APOL3: variants seen among roughly 807,000 people sequenced by gnomAD.
APOL3 encodes TNF-inducible protein CG12-1.
APOL3 carries 14 observed loss-of-function variants against 11.6 expected under a neutral mutation model. The ratio of observed to expected loss-of-function variants is 1.21; its 90% confidence interval spans 0.80 to 1.89. APOL3 has a LOEUF of 1.89. APOL3 is among the 40% of genes most tolerant of loss of function. The probability of loss-of-function intolerance (pLI) is 0.00; values close to 1 mark genes in which losing one functional copy is unlikely to be tolerated. For missense variants in APOL3, 483 were observed against 492.1 expected, an observed-to-expected ratio of 0.98 and a Z score of 0.17; for synonymous variants, 192 against 190.6, an observed-to-expected ratio of 1.01 and a Z score of -0.06.
At chr22:36,158,582 G>T (rs1266330894) in intron 1 of APOL3, among the ~76,000 whole-genome samples, 1 of 152,184 alleles carries the variant, frequency 6.6e-6, no homozygotes, top group Non-Finnish European at 1.5e-5. Flanking sequence ...CACTTTGGGT[G>T]GCGGAGGTGG....
chr22:36,147,195 C>A (rs752243789), intron 1 of APOL3, among the ~76,000 whole-genome samples: 7 of 152,174 alleles, frequency 4.6e-5, no homozygotes, highest in Non-Finnish European at 8.8e-5. Context: ...AATATTTCAA[C>A]CCTACACCAT....
At position 36,160,586 on chromosome 22, in the gene APOL3, T is replaced by C; in HGVS notation, c.223+83A>G. On this transcript the variant is annotated intron_variant, in intron 1 of 2. Transcript: ENST00000349314. ...CAGTTACCTAACCTCTCTGAGCTCA[T>C]CTACAAAAGGTGAATGACCCTTCTC... The C allele has an allele frequency of 2.1e-6, 3 of 1,442,802 alleles. No individual in the cohort carries two copies. In the South Asian group the frequency reaches 3.5e-5, roughly 17 times the overall value. 89.4% of individuals were successfully genotyped at this position (1,442,802 alleles called of 1,614,324 possible).
intron 2 of APOL3, 106 bp downstream of exon 3, chr22:36,145,366 CA>C (rs2060154117): frequency 1.3e-5 from 18 of 1,406,614 alleles, no homozygotes; most frequent in Non-Finnish European, 1.7e-5. Flanking sequence ...TCAAGTTCAG[CA>C]GAGGGGGCTG....
chr22:36,155,005 T>C (rs142387579), intron 1 of APOL3, among the ~76,000 whole-genome samples: 2,203 of 152,254 alleles, frequency 0.014, 45 homozygotes, highest in African/African-American at 0.051. Context: ...GCACCCCTTA[T>C]GGAGGTGCCG....
rs781370561 is a variant in APOL3 at position 36,142,058 on chromosome 22, C to T, written c.351G>A (p.Arg117=). ...CTTCGTAGAGAGCATCTGCCTCATC[C>T]CTGTACCAATAAAGGACAGATGATT... The change falls in exon 3 of 3, where the codon AGG becomes AGA. Residue 117 remains arginine (R), a splice_region_variant and synonymous_variant. Transcript: ENST00000349314. 1.2e-5 allele frequency: 19 copies of T among 1,601,580 alleles called. No homozygotes were observed. In the South Asian group the frequency reaches 1.9e-4, roughly 16 times the overall value.
intron 2 of APOL3, 61 bp from the exon 4 acceptor site, chr22:36,142,119 A>G: frequency 6.6e-7 from 1 of 1,516,014 alleles, no homozygotes; most frequent in Non-Finnish European, 8.8e-7. Flanking sequence ...AAATCAGCTC[A>G]ATAAGATCTG....
intron 2 of APOL3, 37 bp from the exon 4 acceptor site, chr22:36,142,095 CT>C: frequency 1.3e-6 from 2 of 1,548,964 alleles, no homozygotes; most frequent in Non-Finnish European, 1.7e-6. Flanking sequence ...AGAAAGGCAG[CT>C]TACTTATCTG....
chr22:36,147,674 G>A (rs1364458620), intron 1 of APOL3, among the ~76,000 whole-genome samples: 3 of 152,150 alleles, frequency 2.0e-5, no homozygotes, highest in Admixed American at 1.3e-4. Flanking sequence ...CTTGGGTGAG[G>A]GGTATTTTGC....
chr22:36,164,266 T>G (rs140878279), upstream of APOL3, among the ~76,000 whole-genome samples: 373 of 152,316 alleles, frequency 2.4e-3, 2 homozygotes, highest in Non-Finnish European at 3.8e-3. Context: ...CCATTCCTGC[T>G]TCTGAGTGGA....
chr22:36,162,257 G>A (rs1184991485), upstream of APOL3, among the ~76,000 whole-genome samples: 2 of 152,122 alleles, frequency 1.3e-5, no homozygotes, highest in Non-Finnish European at 2.9e-5. Flanking sequence ...CCTAACTGAT[G>A]AAGTTGGTGG....
At chr22:36,144,175 C>T (rs2060101883) in intron 2 of APOL3, among the ~76,000 whole-genome samples, 1 of 152,098 alleles carries the variant, frequency 6.6e-6, no homozygotes, top group African/African-American at 2.4e-5. Context: ...TATCCCTCTC[C>T]CACTCACTGG....
chr22:36,145,899 C>T (rs2060184475), intron 1 of APOL3, among the ~76,000 whole-genome samples: 2 of 151,984 alleles, frequency 1.3e-5, no homozygotes, highest in Admixed American at 6.6e-5. Flanking sequence ...AAAAAAGAGG[C>T]AGAAGATCTC....
chr22:36,148,587 G>C (rs2060303005), intron 1 of APOL3, among the ~76,000 whole-genome samples: 1 of 152,258 alleles, frequency 6.6e-6, no homozygotes, highest in African/African-American at 2.4e-5. Flanking sequence ...GAGCAGAGGG[G>C]CTGGTGCAGG....
At chr22:36,150,854 C>T (rs569872764) in intron 1 of APOL3, among the ~76,000 whole-genome samples, 76 of 152,324 alleles carry the variant, frequency 5.0e-4, no homozygotes, top group African/African-American at 1.8e-3. Flanking sequence ...CACTGCACTC[C>T]ACCCTGGTGA....
intron 1 of APOL3, among the ~76,000 whole-genome samples, chr22:36,152,893 G>A (rs56285319): frequency 6.6e-6 from 1 of 152,174 alleles, no homozygotes; most frequent in Non-Finnish European, 1.5e-5. Flanking sequence ...TGGATCACCT[G>A]AGGTTGGGAG....
chr22:36,141,438 C>G (rs2146720247), exon 3 of APOL3: 1 of 1,614,180 alleles, frequency 6.2e-7, no homozygotes, highest in Non-Finnish European at 8.5e-7. Flanking sequence ...TGCAATCGTT[C>G]TCTCTGCTTG....
At chr22:36,158,024 T>A (rs866009065) in intron 1 of APOL3, among the ~76,000 whole-genome samples, 50 of 152,152 alleles carry the variant, frequency 3.3e-4, no homozygotes, top group African/African-American at 1.1e-3. Flanking sequence ...CACTTCAGCC[T>A]GGGCAACAAA....
At chr22:36,158,742 C>T (rs992605796) in intron 1 of APOL3, among the ~76,000 whole-genome samples, 2 of 152,106 alleles carry the variant, frequency 1.3e-5, no homozygotes, top group Non-Finnish European at 2.9e-5. Flanking sequence ...CACTTGAACC[C>T]AGGAGGCGGA....
intron 1 of APOL3, among the ~76,000 whole-genome samples, chr22:36,153,930 G>T (rs967472875): frequency 6.6e-6 from 1 of 152,190 alleles, no homozygotes; most frequent in Non-Finnish European, 1.5e-5. Context: ...GGCGTTTCCA[G>T]GCTACAGGTA....
Sources: allele counts gnomAD v4.1 joint callset (sites outside exome capture counted in the v4.1 genomes callset), GRCh38; gene constraint gnomAD v4.1.1; transcripts MANE v1.5; gene names NCBI Gene and HGNC (gene_info 2026-07-23, HGNC 2026-07-21).